The following CDH18 variants were observed in gnomAD, a reference collection of about 807,000 sequenced individuals.
CDH18 encodes the protein cadherin-18.
In CDH18, 31 loss-of-function variants were observed where a neutral mutation model predicts 67.9. The observed-to-expected ratio is 0.46, with a 90% CI of 0.34 to 0.62. The LOEUF (loss-of-function observed/expected upper bound fraction) is 0.62, where lower values mean the gene tolerates loss of function less well. Ranked by LOEUF, CDH18 falls within the 20% of genes least tolerant of loss-of-function variation. The pLI is 0.01. For synonymous variants in CDH18, 362 were observed against 347.2 expected, an observed-to-expected ratio of 1.04 and a Z score of -0.48; for missense variants, 890 against 975.5, an observed-to-expected ratio of 0.91 and a Z score of 1.17.
At chr5:19,609,030 T>C (rs1442520217) in intron 6 of CDH18, among the ~76,000 whole-genome samples, 11 of 151,966 alleles carry the variant, frequency 7.2e-5, no homozygotes, top group Admixed American at 7.2e-4. Context: ...AATAAATAAA[T>C]GTCAGTGACT....
At chr5:19,862,689 AG>A (rs1785032767) in intron 2 of CDH18, among the ~76,000 whole-genome samples, 1 of 152,224 alleles carries the variant, frequency 6.6e-6, no homozygotes, top group Non-Finnish European at 1.5e-5. Flanking sequence ...CACTTAATAG[AG>A]GTGACTTTAA....
At chr5:20,129,687 A>G (rs1383298779) in intron 2 of CDH18, among the ~76,000 whole-genome samples, 3 of 152,096 alleles carry the variant, frequency 2.0e-5, no homozygotes, top group Non-Finnish European at 4.4e-5. Flanking sequence ...TTGGTCCCAG[A>G]TAAGGAGAGC....
At position 19,473,068 on chromosome 5, in the gene CDH18, C is replaced by T. The variant is rs1457908646; in HGVS notation, c.*158G>A. On this transcript the variant is annotated 3_prime_UTR_variant, in exon 13 of 13. Coordinates refer to ENST00000382275, the MANE Select transcript of CDH18 (RefSeq NM_004934.5). ...TTTTTACTTTCTTCCAATTAAATAA[C>T]CCAGTTTCGATCATGAAAAGGGCAC... 1.7e-5 allele frequency: 11 copies of T among 662,066 alleles called. No homozygotes were observed. Among genetic ancestry groups the T allele is most frequent in the African/African-American group, 3.7e-5 (2 of 54,124 alleles). 41.0% of individuals were successfully genotyped at this position (662,066 alleles called of 1,614,324 possible).
intron 2 of CDH18, among the ~76,000 whole-genome samples, chr5:19,878,437 T>G (rs1787278864): frequency 6.6e-6 from 1 of 152,138 alleles, no homozygotes; most frequent in Non-Finnish European, 1.5e-5. Context: ...CAATAGATCT[T>G]TTCATGCTGC....
chr5:20,316,374 ATTATAATATTGTGG>A (rs1737464496), intron 1 of CDH18, among the ~76,000 whole-genome samples: 2 of 152,082 alleles, frequency 1.3e-5, no homozygotes. Flanking sequence ...TATTTAAGTG[ATTATAATATTGTGG>A]TTGCAAGTAG....
chr5:19,783,864 G>A (rs929350070), intron 3 of CDH18, among the ~76,000 whole-genome samples: 1 of 152,014 alleles, frequency 6.6e-6, no homozygotes, highest in African/African-American at 2.4e-5. Context: ...ACTAGTAGTG[G>A]CTACTACACA....
intron 2 of CDH18, among the ~76,000 whole-genome samples, chr5:19,870,530 T>C (rs181435792): frequency 9.5e-4 from 144 of 152,270 alleles, no homozygotes; most frequent in African/African-American, 3.4e-3. Flanking sequence ...AGTATCCTTA[T>C]GTTATAAGAT....
intron 1 of CDH18, among the ~76,000 whole-genome samples, chr5:20,397,903 C>CA (rs1156316891): frequency 6.6e-6 from 1 of 151,916 alleles, no homozygotes. Flanking sequence ...GTAATCTTAG[C>CA]AAAAAAATTA....
chr5:19,844,326 C>T (rs1348092798), intron 2 of CDH18, among the ~76,000 whole-genome samples: 1 of 152,084 alleles, frequency 6.6e-6, no homozygotes, highest in Non-Finnish European at 1.5e-5. Flanking sequence ...GACTAGTCCC[C>T]CATGCTCTTC....
intron 1 of CDH18, among the ~76,000 whole-genome samples, chr5:20,339,507 C>A (rs1390822144): frequency 2.0e-5 from 3 of 152,028 alleles, no homozygotes; most frequent in African/African-American, 7.2e-5. Flanking sequence ...TGGACTGGGA[C>A]AGGGAGGCGG....
At chr5:19,805,958 G>T (rs938901534) in intron 3 of CDH18, among the ~76,000 whole-genome samples, 1 of 151,884 alleles carries the variant, frequency 6.6e-6, no homozygotes, top group African/African-American at 2.4e-5. Context: ...TTTCTTCTTC[G>T]AATCTTCTAC....
intron 5 of CDH18, among the ~76,000 whole-genome samples, chr5:19,683,775 C>A (rs1359449671): frequency 6.6e-6 from 1 of 152,124 alleles, no homozygotes; most frequent in Non-Finnish European, 1.5e-5. Context: ...AATACACACT[C>A]ATTACAATTT....
chr5:20,441,071 C>T (rs1409846141), intron 1 of CDH18, among the ~76,000 whole-genome samples: 1 of 151,784 alleles, frequency 6.6e-6, no homozygotes, highest in Non-Finnish European at 1.5e-5. Context: ...GCTTATGAGT[C>T]TGGATAATGG....
intron 3 of CDH18, among the ~76,000 whole-genome samples, chr5:19,784,460 A>G (rs553535445): frequency 6.6e-6 from 1 of 152,296 alleles, no homozygotes; most frequent in African/African-American, 2.4e-5. Context: ...AGACTATTAT[A>G]TAACATTCTA....
intron 3 of CDH18, among the ~76,000 whole-genome samples, chr5:19,826,004 A>G (rs1179180441): frequency 6.6e-6 from 1 of 152,170 alleles, no homozygotes; most frequent in Non-Finnish European, 1.5e-5. Flanking sequence ...ATGATACTGG[A>G]GATAAAAGAT....
intron 1 of CDH18, among the ~76,000 whole-genome samples, chr5:20,478,112 C>T (rs1357800872): frequency 1.3e-5 from 2 of 152,146 alleles, no homozygotes; most frequent in African/African-American, 4.8e-5. Flanking sequence ...CTAGGCAGTT[C>T]TCATTGCAGG....
At chr5:20,113,938 T>C (rs1268034131) in intron 2 of CDH18, among the ~76,000 whole-genome samples, 2 of 152,218 alleles carry the variant, frequency 1.3e-5, no homozygotes, top group Non-Finnish European at 2.9e-5. Context: ...ATGTGTTTTG[T>C]GATTCCTTCA....
At chr5:19,822,378 A>C (rs1779961140) in intron 3 of CDH18, among the ~76,000 whole-genome samples, 1 of 152,236 alleles carries the variant, frequency 6.6e-6, no homozygotes, top group African/African-American at 2.4e-5. Context: ...GGGGCATTAC[A>C]TAATCATAAA....
At chr5:20,129,899 T>A (rs1324318670) in intron 2 of CDH18, among the ~76,000 whole-genome samples, 1 of 151,744 alleles carries the variant, frequency 6.6e-6, no homozygotes, top group Non-Finnish European at 1.5e-5. Flanking sequence ...ATTATATAGG[T>A]CTCTAAAATT....
Sources: gnomAD v4.1 joint callset for allele counts (sites outside exome capture counted in the v4.1 genomes callset) on GRCh38, gnomAD v4.1.1 for gene constraint, MANE v1.5 for transcripts, NCBI Gene and HGNC (gene_info 2026-07-23, HGNC 2026-07-21) for gene names.